PCDH7: variants seen among roughly 807,000 people sequenced by gnomAD.
PCDH7 encodes protocadherin 7.
A neutral mutation model predicts 58.9 loss-of-function variants in PCDH7; 17 were observed. The ratio of observed to expected loss-of-function variants is 0.29; its 90% CI spans 0.20 to 0.43. The LOEUF (loss-of-function observed/expected upper bound fraction) is 0.43, where lower values mean the gene tolerates loss of function less well. PCDH7 is among the 20% of genes least tolerant of loss of function. The pLI, the probability that PCDH7 is intolerant of heterozygous loss-of-function variation, is 1.00. For missense variants in PCDH7, 1,274 were observed against 1,441.0 expected, an observed-to-expected ratio of 0.88 and a Z score of 1.88; for synonymous variants, 664 against 616.4, an observed-to-expected ratio of 1.08 and a Z score of -1.14.
intron 3 of PCDH7, among the ~76,000 whole-genome samples, chr4:31,051,433 T>G (rs1407449186): frequency 6.6e-6 from 1 of 152,188 alleles, no homozygotes; most frequent in Non-Finnish European, 1.5e-5. Flanking sequence ...TACAGTGACT[T>G]ACTGAGGCAT....
chr4:31,036,127 G>C (rs1014200674), intron 3 of PCDH7, among the ~76,000 whole-genome samples: 1 of 152,140 alleles, frequency 6.6e-6, no homozygotes, highest in Non-Finnish European at 1.5e-5. Flanking sequence ...AGCTTAATCT[G>C]TACTTTGCTA....
intron 1 of PCDH7, among the ~76,000 whole-genome samples, chr4:30,885,370 T>C (rs1008787548): frequency 1.3e-5 from 2 of 152,204 alleles, no homozygotes; most frequent in Non-Finnish European, 2.9e-5. Flanking sequence ...TAATTTCTGA[T>C]ATGATATATG....
intron 3 of PCDH7, among the ~76,000 whole-genome samples, chr4:31,098,699 T>G (rs1156902842): frequency 6.6e-6 from 1 of 152,198 alleles, no homozygotes; most frequent in African/African-American, 2.4e-5. Flanking sequence ...CAACAATCTC[T>G]TCTGCCTCTG....
At chr4:30,956,050 G>A (rs1462610878) in intron 3 of PCDH7, among the ~76,000 whole-genome samples, 1 of 145,834 alleles carries the variant, frequency 6.9e-6, no homozygotes, top group Non-Finnish European at 1.5e-5. Context: ...AAAAAAAAAA[G>A]CAAAAAAAAA....
In PCDH7 at chr4:30,722,244, C is replaced by G; in HGVS notation, c.822C>G (p.Tyr274Ter). ...TGGACCGCGAGCAGCGCGACTCCTA[C>G]GAGCTGACCCTGCGAGTGCGCGACG... Residue 274 changes from tyrosine to a stop codon, truncating the protein, a stop_gained, in exon 1 of 2, where the codon TAC becomes TAG. Transcript: ENST00000361762. LOFTEE classifies it high-confidence loss of function. This position sits in a 1 kb window ranked among gnomAD's most constrained non-coding sequence, Gnocchi z 7.6. 6.3e-7 allele frequency: 1 copy of G among 1,595,408 alleles called. No homozygotes were observed. The highest frequency in any genetic ancestry group is 8.5e-7 in the Non-Finnish European group (1 of 1,172,056).
At chr4:30,851,693 T>G (rs1482962936) in intron 1 of PCDH7, among the ~76,000 whole-genome samples, 1 of 152,050 alleles carries the variant, frequency 6.6e-6, no homozygotes. Context: ...CTCTTCATCC[T>G]AAGAAACTGA....
intron 1 of PCDH7, among the ~76,000 whole-genome samples, chr4:30,887,313 T>G (rs922533644): frequency 2.0e-5 from 3 of 152,186 alleles, no homozygotes; most frequent in East Asian, 1.9e-4. Flanking sequence ...ATAAGCACAC[T>G]TATAGCACAT....
At chr4:30,922,245 G>A (rs1173476904) in intron 2 of PCDH7, among the ~76,000 whole-genome samples, 4 of 151,702 alleles carry the variant, frequency 2.6e-5, no homozygotes, top group Non-Finnish European at 4.4e-5. Context: ...TACCTAGGAA[G>A]GCAGGATTAA....
chr4:30,921,046 T>C (rs1261683060), intron 2 of PCDH7, among the ~76,000 whole-genome samples: 5 of 152,174 alleles, frequency 3.3e-5, no homozygotes, highest in African/African-American at 9.6e-5. Context: ...TGGCCTTGTA[T>C]ACATTTTCTT....
intron 3 of PCDH7, among the ~76,000 whole-genome samples, chr4:30,956,273 A>G (rs535373229): frequency 6.6e-6 from 1 of 152,118 alleles, no homozygotes; most frequent in African/African-American, 2.4e-5. Context: ...CTGTTGTTCT[A>G]TAATAACTAT....
At chr4:30,941,335 G>A (rs377237852) in intron 2 of PCDH7, among the ~76,000 whole-genome samples, 3 of 151,874 alleles carry the variant, frequency 2.0e-5, no homozygotes, top group South Asian at 4.1e-4. Flanking sequence ...TCTACTTTAC[G>A]AGGGAAATCA....
intron 3 of PCDH7, among the ~76,000 whole-genome samples, chr4:31,050,011 A>C (rs1001477865): frequency 2.6e-5 from 4 of 152,150 alleles, no homozygotes; most frequent in African/African-American, 7.2e-5. Context: ...AGTGGCAAAA[A>C]TACAAATGTC....
intron 1 of PCDH7, among the ~76,000 whole-genome samples, chr4:30,902,207 G>A (rs138474136): frequency 1.5e-3 from 224 of 152,222 alleles, no homozygotes; most frequent in Middle Eastern, 3.4e-3. Context: ...TCTGCTACCC[G>A]TTAATCATTA....
At chr4:30,731,591 C>T (rs1249663272) in exon 2 of PCDH7, 1 of 152,088 alleles carries the variant, frequency 6.6e-6, no homozygotes, top group Non-Finnish European at 1.5e-5. Context: ...ACTGTAGTCA[C>T]ATTCGGAAGG....
intron 1 of PCDH7, chr4:30,725,369 G>T: frequency 2.6e-6 from 2 of 764,712 alleles, no homozygotes; most frequent in South Asian, 5.9e-5. Context: ...ATTCATGATT[G>T]ATGTACTGTG....
chr4:31,129,221 G>C (rs1718671442), intron 3 of PCDH7, among the ~76,000 whole-genome samples: 1 of 152,184 alleles, frequency 6.6e-6, no homozygotes, highest in African/African-American at 2.4e-5. Flanking sequence ...GCAGACTTCA[G>C]TGCCAGACAT....
At chr4:31,144,370 C>G (rs1488229756), downstream of PCDH7, 1 of 152,090 alleles carries the variant, frequency 6.6e-6, no homozygotes, top group East Asian at 1.9e-4. Context: ...TAAAAAGAAA[C>G]AGAATATGCA....
At chr4:31,116,493 T>G (rs192637767) in intron 3 of PCDH7, among the ~76,000 whole-genome samples, 170 of 152,326 alleles carry the variant, frequency 1.1e-3, no homozygotes, top group African/African-American at 3.6e-3. Context: ...TTTGTCTTGA[T>G]CACTGTGGTG....
intron 3 of PCDH7, among the ~76,000 whole-genome samples, chr4:30,998,160 T>C (rs555466256): frequency 1.3e-5 from 2 of 152,250 alleles, no homozygotes; most frequent in South Asian, 4.1e-4. Flanking sequence ...ATTTATTAAA[T>C]AAGACAGAAG....
Sources: gnomAD v4.1 joint callset for allele counts (sites outside exome capture counted in the v4.1 genomes callset) on GRCh38, gnomAD v4.1.1 for gene constraint, Gnocchi (gnomAD v3.1) non-coding constraint, MANE v1.5 for transcripts, NCBI Gene and HGNC (gene_info 2026-07-23, HGNC 2026-07-21) for gene names.